RPS6KC1: variants seen among roughly 807,000 people sequenced by gnomAD.
RPS6KC1 encodes the protein ribosomal protein S6 kinase C1.
RPS6KC1 carries 54 observed loss-of-function variants against 103.8 expected under a neutral mutation model. That is an observed-to-expected ratio of 0.52 (90% CI 0.42 to 0.65). RPS6KC1 has a LOEUF of 0.65. RPS6KC1 is among the 30% of genes least tolerant of loss of function. The probability of loss-of-function intolerance (pLI) is 0.00; values close to 1 mark genes in which losing one functional copy is unlikely to be tolerated. For synonymous variants in RPS6KC1, 439 were observed against 438.7 expected (o/e 1.00, Z -0.01); for missense variants, 1,151 against 1,253.8 (o/e 0.92, Z 1.24).
the RPS6KC1 span, among the ~76,000 whole-genome samples, chr1:213,574,006 C>A: frequency 2.0e-5 from 3 of 152,154 alleles, no homozygotes; most frequent in Non-Finnish European, 4.4e-5. Context: ...AAGCCCTGAC[C>A]CTGTGGCCCT....
At chr1:213,228,748 A>G (rs2094017998) in intron 8 of RPS6KC1, among the ~76,000 whole-genome samples, 1 of 151,984 alleles carries the variant, frequency 6.6e-6, no homozygotes, top group Admixed American at 6.6e-5. Flanking sequence ...ATAAAACAAA[A>G]TAAAATAAAA....
At chr1:213,595,226 A>C in the RPS6KC1 span, among the ~76,000 whole-genome samples, 1 of 152,196 alleles carries the variant, frequency 6.6e-6, no homozygotes, top group African/African-American at 2.4e-5. Flanking sequence ...CAATGTATAC[A>C]TGTGGCCTCA....
downstream of RPS6KC1, among the ~76,000 whole-genome samples, chr1:213,278,253 A>G (rs1374293179): frequency 1.3e-5 from 2 of 152,124 alleles, no homozygotes; most frequent in African/African-American, 4.8e-5. Context: ...TTAGGAATCC[A>G]CAAGACAGAT....
At chr1:213,601,029 G>A in the RPS6KC1 span, among the ~76,000 whole-genome samples, 2 of 152,216 alleles carry the variant, frequency 1.3e-5, no homozygotes, top group Non-Finnish European at 2.9e-5. Context: ...ATGGAAAGAA[G>A]TTACTAGGCA....
At chr1:213,483,608 G>A in the RPS6KC1 span, among the ~76,000 whole-genome samples, 1 of 152,156 alleles carries the variant, frequency 6.6e-6, no homozygotes, top group South Asian at 2.1e-4. Flanking sequence ...GTATATGAAA[G>A]CTCTATTTCT....
chr1:213,211,341 T>G (rs1055153897), intron 8 of RPS6KC1, among the ~76,000 whole-genome samples: 1 of 152,240 alleles, frequency 6.6e-6, no homozygotes, highest in Admixed American at 6.5e-5. Context: ...GGGCAGATTC[T>G]TCACAAAAAC....
At position 213,176,483 on chromosome 1, in the gene RPS6KC1, G is replaced by C. The variant is rs202123122; in HGVS notation, c.1035G>C (p.Val345=). The C allele has an allele frequency of 1.9e-4, 301 of 1,592,288 alleles. No individual in the cohort carries two copies. The highest frequency in any genetic ancestry group is 2.4e-4 in the Non-Finnish European group (274 of 1,163,682). ...EELKAFRVLG[V]IDKVLLVMDT... ...TGAAGGCCTTCAGAGTCCTTGGGGTGATTGACAAGGTAATTCTTCAGTGTC... is the reference window on the plus strand; with the variant it reads ...TGAAGGCCTTCAGAGTCCTTGGGGTCATTGACAAGGTAATTCTTCAGTGTC... Residue 345 remains valine (V), a synonymous_variant, in exon 8 of 15, where the codon GTG becomes GTC. Transcript: ENST00000366960.
chr1:213,400,996 C>T, the RPS6KC1 span, among the ~76,000 whole-genome samples: 21 of 152,242 alleles, frequency 1.4e-4, 2 homozygotes, highest in African/African-American at 4.3e-4. Flanking sequence ...TGTGAGCCAC[C>T]GTGCTCGTCC....
At chr1:213,353,039 C>T in the RPS6KC1 span, among the ~76,000 whole-genome samples, 1 of 152,196 alleles carries the variant, frequency 6.6e-6, no homozygotes, top group Non-Finnish European at 1.5e-5. Context: ...TACAAGACAA[C>T]ATCGTTGGGA....
chr1:213,372,988 A>T, the RPS6KC1 span, among the ~76,000 whole-genome samples: 1 of 152,204 alleles, frequency 6.6e-6, no homozygotes, highest in African/African-American at 2.4e-5. Flanking sequence ...CTAATTGTGG[A>T]GTTTTAAATG....
chr1:213,821,679 G>C, the RPS6KC1 span: 8 of 152,326 alleles, frequency 5.3e-5, no homozygotes, highest in Non-Finnish European at 1.0e-4. Context: ...CTTCTCCACT[G>C]TTTCCCCCCC....
the RPS6KC1 span, among the ~76,000 whole-genome samples, chr1:213,553,531 G>A: frequency 1.3e-5 from 2 of 152,130 alleles, no homozygotes; most frequent in Admixed American, 6.6e-5. Context: ...CCCAGTAATG[G>A]TATTGCTGGA....
At chr1:213,255,109 T>C (rs1334457336) in intron 12 of RPS6KC1, among the ~76,000 whole-genome samples, 1 of 152,058 alleles carries the variant, frequency 6.6e-6, no homozygotes, top group East Asian at 1.9e-4. Context: ...GAGACCAGCC[T>C]GAACAACATG....
At chr1:213,839,822 C>T in the RPS6KC1 span, 14 of 151,992 alleles carry the variant, frequency 9.2e-5, no homozygotes, top group East Asian at 1.9e-4. Context: ...AGAATAATAC[C>T]GATCTAGTAG....
At chr1:213,610,754 T>C in the RPS6KC1 span, among the ~76,000 whole-genome samples, 1 of 152,152 alleles carries the variant, frequency 6.6e-6, no homozygotes. Flanking sequence ...TGACCACACA[T>C]GTGAGCAATT....
chr1:213,077,893 C>G, intron 3 of RPS6KC1, 77 bp downstream of exon 3: 1 of 733,810 alleles, frequency 1.4e-6, no homozygotes, highest in Non-Finnish European at 2.0e-6. Context: ...CATAACTACA[C>G]TATGAAGTCA....
chr1:213,783,815 C>CAAAAAAAAAAAAAAAAA, the RPS6KC1 span, among the ~76,000 whole-genome samples: 1 of 65,996 alleles, frequency 1.5e-5, no homozygotes, highest in African/African-American at 3.7e-5. Context: ...AAGATGTTGC[C>CAAAAAAAAAAAAAAAAA]AAAAAAAAAA....
intron 6 of RPS6KC1, among the ~76,000 whole-genome samples, chr1:213,133,599 A>C (rs968591238): frequency 6.6e-6 from 1 of 152,148 alleles, no homozygotes. Flanking sequence ...ATTGTTAGTA[A>C]CACCCATCTG....
At chr1:213,292,893 G>GA in the RPS6KC1 span, among the ~76,000 whole-genome samples, 1 of 152,176 alleles carries the variant, frequency 6.6e-6, no homozygotes, top group Non-Finnish European at 1.5e-5. Flanking sequence ...GAAAAAGAAA[G>GA]AAAGTCACTG....
Sources: allele counts gnomAD v4.1 joint callset (sites outside exome capture counted in the v4.1 genomes callset), GRCh38; gene constraint gnomAD v4.1.1; transcripts MANE v1.5; gene names NCBI Gene and HGNC (gene_info 2026-07-23, HGNC 2026-07-21).